Variants in SHPRH observed in about 807,000 individuals in gnomAD.
SHPRH encodes the protein E3 ubiquitin-protein ligase SHPRH.
In SHPRH, 106 loss-of-function variants were observed where a neutral mutation model predicts 202.5. That is an observed-to-expected ratio of 0.52 (90% CI 0.45 to 0.62). The LOEUF is 0.62. Among genes scored for constraint, SHPRH ranks in the 20% least tolerant of loss-of-function variants. SHPRH has a pLI of 0.00. For synonymous variants in SHPRH, 729 were observed against 686.0 expected (o/e 1.06, Z -0.98); for missense variants, 1,710 against 2,020.0 (o/e 0.85, Z 2.94).
intron 1 of SHPRH, among the ~76,000 whole-genome samples, chr6:145,960,200 G>T (rs1788943151): frequency 1.9e-5 from 2 of 103,930 alleles, no homozygotes; most frequent in African/African-American, 3.1e-5. Flanking sequence ...ACTCAGGAAT[G>T]TTCTTTATGG....
intron 14 of SHPRH, among the ~76,000 whole-genome samples, chr6:145,931,433 A>T (rs140011988): frequency 3.3e-5 from 5 of 151,954 alleles, no homozygotes; most frequent in Admixed American, 1.3e-4. Context: ...GCTCACTGCA[A>T]CCTCCGCCTC....
intron 16 of SHPRH, among the ~76,000 whole-genome samples, 197 bp downstream of exon 16, chr6:145,926,007 T>C (rs1055942900): frequency 6.6e-6 from 1 of 152,048 alleles, no homozygotes; most frequent in Non-Finnish European, 1.5e-5. Context: ...TGCAGGTAGA[T>C]CAGCAGAGAA....
intron 23 of SHPRH, chr6:145,917,222 G>C (rs1583389136): frequency 6.6e-6 from 1 of 152,056 alleles, no homozygotes; most frequent in African/African-American, 2.4e-5. Flanking sequence ...AACTACTCTA[G>C]CATTTTACAT....
At chr6:145,894,096 G>C in intron 27 of SHPRH, 54 bp downstream of exon 27, 2 of 1,362,710 alleles carry the variant, frequency 1.5e-6, no homozygotes, top group Non-Finnish European at 2.0e-6. Flanking sequence ...GTTAACAGCA[G>C]TTTAAATTTG....
At chr6:145,956,488 GA>G (rs1788525805) in intron 1 of SHPRH, among the ~76,000 whole-genome samples, 1 of 151,696 alleles carries the variant, frequency 6.6e-6, no homozygotes, top group Non-Finnish European at 1.5e-5. Flanking sequence ...AAATGAAGGT[GA>G]AAAAAAGATC....
intron 11 of SHPRH, chr6:145,935,809 ATT>A (rs1786002824): frequency 6.1e-6 from 1 of 163,572 alleles, no homozygotes; most frequent in African/African-American, 2.4e-5. Flanking sequence ...TAGATGCAAG[ATT>A]TGCTGGATTG....
intron 23 of SHPRH, among the ~76,000 whole-genome samples, chr6:145,913,837 CT>C (rs1208150621): frequency 6.6e-6 from 1 of 152,088 alleles, no homozygotes; most frequent in Non-Finnish European, 1.5e-5. Flanking sequence ...AAAATCCAAA[CT>C]TTTTGAGTGC....
chr6:145,926,122 A>G lies in SHPRH; in HGVS notation c.3294+82T>C, dbSNP rs963845329. ...ATGATTACATTTATTTGTATGTTGTATGTCCTAGGATATATCAACTATATG... is the reference window on the plus strand; with the variant it reads ...ATGATTACATTTATTTGTATGTTGTGTGTCCTAGGATATATCAACTATATG... On this transcript the variant is annotated intron_variant, in intron 16 of 29. Coordinates refer to ENST00000275233, the MANE Select transcript of SHPRH (RefSeq NM_001042683.3). 9.3e-5 allele frequency: 107 copies of G among 1,155,230 alleles called. No individual in the cohort carries two copies. The African/African-American group carries it at 1.5e-3, about 16-fold the overall frequency. 71.6% of individuals were successfully genotyped at this position (1,155,230 alleles called of 1,614,324 possible).
At chr6:145,909,208 C>T (rs1350977307) in intron 25 of SHPRH, 1 of 151,988 alleles carries the variant, frequency 6.6e-6, no homozygotes, top group African/African-American at 2.4e-5. Context: ...GTGCTTATCA[C>T]AATTATAACA....
At chr6:145,919,249 C>T (rs189659932) in intron 22 of SHPRH, 99 bp downstream of exon 22, 7 of 1,472,656 alleles carry the variant, frequency 4.8e-6, no homozygotes, top group Non-Finnish European at 6.5e-6. Flanking sequence ...TACACACTTA[C>T]AGTAGAGCTC....
At position 145,933,157 on chromosome 6, in the gene SHPRH, C is replaced by T. The variant is rs1374152458; in HGVS notation, c.3012G>A (p.Leu1004=). 6.2e-7 allele frequency: 1 copy of T among 1,613,894 alleles called. No homozygotes were observed. Among genetic ancestry groups the T allele is most frequent in the South Asian group, 1.1e-5 (1 of 91,072 alleles). ...CACATTTCTTCTGCAAAGATGTCAG[C>T]AGCTCTTCCATTGTCATGGTGCTAA... ...LQKSTMTMEE[L]LTSLQKKCGT... Residue 1004 remains leucine, a synonymous_variant, in exon 14 of 30, where the codon CTG becomes CTA. Coordinates refer to ENST00000275233, the MANE Select transcript of SHPRH (RefSeq NM_001042683.3).
At chr6:145,898,482 T>A (rs527984935) in intron 25 of SHPRH, among the ~76,000 whole-genome samples, 5 of 152,284 alleles carry the variant, frequency 3.3e-5, no homozygotes, top group African/African-American at 1.2e-4. Flanking sequence ...TTTGAGTTTG[T>A]CCTCAGCAAT....
chr6:145,887,011 C>A (rs1205851321), intron 29 of SHPRH, among the ~76,000 whole-genome samples: 1 of 152,066 alleles, frequency 6.6e-6, no homozygotes, highest in Non-Finnish European at 1.5e-5. Flanking sequence ...TTTCTCTGTG[C>A]AATTAATAGA....
intron 8 of SHPRH, 140 bp from the exon 9 acceptor site, chr6:145,943,942 T>A (rs563980314): frequency 6.4e-5 from 51 of 801,068 alleles, no homozygotes; most frequent in Non-Finnish European, 9.5e-5. Context: ...TCACTCCTGA[T>A]AAGTGGCTTC....
rs756521726 is a variant in SHPRH, at chr6:145,941,715, G to A, written c.2398C>T (p.Arg800Cys). The A allele has an allele frequency of 3.1e-6, 5 of 1,613,974 alleles. No homozygotes were observed. Among genetic ancestry groups the A allele is most frequent in the African/African-American group, 1.3e-5 (1 of 75,012 alleles). The change falls in exon 10 of 30, where the codon CGC becomes TGC. Residue 800 changes from arginine to cysteine, a missense_variant. Around this residue, in one of 8 missense-constraint regions of SHPRH, gnomAD observed 277 missense variants for 363.0 expected, o/e 0.76. Transcript: ENST00000275233. ...AGGGGGCTCGGGATAGCCATATAGC[G>A]CTTCTGGTTCCGTAGGCGACGCCCA... Reference protein sequence around the residue: ...EDGRRLRNQKRYMAIPSPLVA... With the variant: ...EDGRRLRNQKCYMAIPSPLVA...
At position 145,943,349 on chromosome 6, in the gene SHPRH, G is replaced by C. The variant is rs1786999781; in HGVS notation, c.2032C>G (p.Leu678Val). 1.2e-6 allele frequency: 2 copies of C among 1,613,776 alleles called. No homozygotes were observed. The highest frequency in any genetic ancestry group is 1.7e-6 in the Non-Finnish European group (2 of 1,179,932). ...GCATGTTGCCACAGGTGACACTTCA[G>C]GCATTGAACACGAGGCTTACGATCT... The part of the protein sequence containing the change: ...QIDRKPRVQC[L>V]KCHLWQHAKC... The change falls in exon 9 of 30, where the codon CTG becomes GTG. Residue 678 changes from leucine to valine, a missense_variant. By Grantham distance (32) the Leu-to-Val change is conservative (BLOSUM62 1). Coordinates refer to ENST00000275233, the MANE Select transcript of SHPRH (RefSeq NM_001042683.3).
chr6:145,901,486 C>CA (rs1782501916), intron 25 of SHPRH, among the ~76,000 whole-genome samples: 1 of 151,880 alleles, frequency 6.6e-6, no homozygotes, highest in African/African-American at 2.4e-5. Context: ...AGGCTGCTTG[C>CA]AAAAAAGCAA....
rs541947696 is a variant in SHPRH, at chr6:145,889,743, G to A, written c.4875-1643C>T. The stretch of plus-strand genomic sequence containing the variant: ...AAATCCTACAGGCAAAACACTTGAA[G>A]CATTTCAGTTAAGGGATGCTCAACC... On this transcript the variant is annotated intron_variant, in intron 28 of 29. Transcript: ENST00000275233. 5.3e-5 allele frequency among the ~76,000 whole-genome samples: 8 copies of A among 152,276 alleles called. No homozygotes were observed. The South Asian group carries it at 8.3e-4, about 16-fold the overall frequency.
At chr6:145,951,321 C>T (rs1787954821) in intron 3 of SHPRH, among the ~76,000 whole-genome samples, 4 of 152,032 alleles carry the variant, frequency 2.6e-5, no homozygotes, top group Admixed American at 2.6e-4. Context: ...GGCCTATATA[C>T]TTTTATAGGA....
Sources: allele counts gnomAD v4.1 joint callset (sites outside exome capture counted in the v4.1 genomes callset), GRCh38; gene constraint gnomAD v4.1.1; regional missense constraint gnomAD v4.1.1; transcripts MANE v1.5; gene names NCBI Gene and HGNC (gene_info 2026-07-23, HGNC 2026-07-21).